SLAMF9: variants seen among roughly 807,000 people sequenced by gnomAD.
SLAMF9 encodes CD2 family member 10.
Under a neutral mutation model 30.4 loss-of-function variants are expected in SLAMF9, and 25 were observed. That is an observed-to-expected ratio of 0.82 (90% CI 0.60 to 1.15). The LOEUF (loss-of-function observed/expected upper bound fraction) is 1.15. SLAMF9 is among the 50% of genes most tolerant of loss of function. SLAMF9 has a pLI of 0.00. For synonymous variants in SLAMF9, 129 were observed against 127.2 expected, an observed-to-expected ratio of 1.01 and a Z score of -0.09; for missense variants, 344 against 346.1, an observed-to-expected ratio of 0.99 and a Z score of 0.05.
At position 159,954,164 on chromosome 1, in the gene SLAMF9, T is replaced by C; in HGVS notation, c.-27A>G. On this transcript the variant is annotated 5_prime_UTR_variant, in exon 1 of 4. Transcript: ENST00000368093. ...TCAGCAGCCCCCAGCCCCAGAGGTGTGATTCAGTCAGTCAGTCCCCAGGAC... is the reference window on the plus strand; with the variant it reads ...TCAGCAGCCCCCAGCCCCAGAGGTGCGATTCAGTCAGTCAGTCCCCAGGAC... 1 of 1,613,786 alleles carries C rather than the reference T, an allele frequency of 6.2e-7. No individual in the cohort carries two copies.
chr1:159,976,955 AG>A, the SLAMF9 span: 16 of 6,932 alleles, frequency 2.3e-3, 1 homozygote, highest in African/African-American at 3.3e-3. Flanking sequence ...AAAGAAAGAA[AG>A]AAAGAGAAAG....
Position 159,952,267 on chromosome 1 carries a change from T to C in SLAMF9, c.659A>G (p.Tyr220Cys), listed in dbSNP as rs757057363. The C allele has an allele frequency of 3.2e-5, 51 of 1,613,128 alleles. No individual in the cohort carries two copies. The highest frequency in any genetic ancestry group is 4.3e-5 in the Non-Finnish European group (51 of 1,179,712). Reference sequence around the variant, plus strand: ...TGTCTCAGGGGTTCTGGTACCTGCATAGAAGGGCCCATCAGGGATGGGGCA... The same window carrying C: ...TGTCTCAGGGGTTCTGGTACCTGCACAGAAGGGCCCATCAGGGATGGGGCA... ...SSCPIPDGPFYADPNYASEKP... is the reference protein window; with the variant it reads ...SSCPIPDGPFCADPNYASEKP... The change falls in exon 3 of 4, where the codon TAT (tyrosine) becomes TGT (cysteine). Residue 220 changes from tyrosine (Y) to cysteine (C), a missense_variant. Transcript: ENST00000368093.
chr1:159,981,189 G>C, the SLAMF9 span, among the ~76,000 whole-genome samples: 1 of 152,040 alleles, frequency 6.6e-6, no homozygotes, highest in Non-Finnish European at 1.5e-5. Context: ...ATTCTGATTG[G>C]TGTCCTTATA....
At chr1:159,980,831 G>A in the SLAMF9 span, among the ~76,000 whole-genome samples, 25 of 152,328 alleles carry the variant, frequency 1.6e-4, no homozygotes, top group African/African-American at 5.8e-4. Flanking sequence ...GTAAGCCACC[G>A]TGCCCAGCCT....
At chr1:159,973,336 A>G in the SLAMF9 span, 1 of 584,882 alleles carries the variant, frequency 1.7e-6, no homozygotes, top group Non-Finnish European at 3.0e-6. Flanking sequence ...ATAAAGCCCC[A>G]GGAGGCTGAG....
At chr1:159,978,583 C>A in the SLAMF9 span, 19 of 152,128 alleles carry the variant, frequency 1.2e-4, no homozygotes, top group Admixed American at 1.2e-3. Context: ...TTTAAATTGC[C>A]CTTTTGTTTT....
At chr1:159,967,064 A>G in the SLAMF9 span, among the ~76,000 whole-genome samples, 1 of 152,154 alleles carries the variant, frequency 6.6e-6, no homozygotes, top group Non-Finnish European at 1.5e-5. Flanking sequence ...GTCCAAACCA[A>G]TGTAATGAGG....
At chr1:159,970,069 T>C in the SLAMF9 span, among the ~76,000 whole-genome samples, 3 of 152,080 alleles carry the variant, frequency 2.0e-5, no homozygotes, top group African/African-American at 7.2e-5. Context: ...AATAAATAAA[T>C]AAATAGATAA....
the SLAMF9 span, among the ~76,000 whole-genome samples, chr1:159,975,340 ATTGCTTTGACCTCATC>A: frequency 3.3e-5 from 5 of 152,150 alleles, no homozygotes; most frequent in Non-Finnish European, 7.4e-5. Flanking sequence ...AAGAGGTGAG[ATTGCTTTGACCTCATC>A]TTGCAAGATA....
chr1:159,975,741 G>A, the SLAMF9 span, among the ~76,000 whole-genome samples: 80 of 152,278 alleles, frequency 5.3e-4, no homozygotes, highest in African/African-American at 1.8e-3. Flanking sequence ...AAAGGAGGGC[G>A]TAGATCAGAG....
the SLAMF9 span, among the ~76,000 whole-genome samples, chr1:159,969,717 A>G: frequency 1.3e-5 from 2 of 152,176 alleles, no homozygotes; most frequent in African/African-American, 2.4e-5. Context: ...CCTTAAAAAC[A>G]TGTTCCTACA....
At chr1:159,969,278 G>A in the SLAMF9 span, among the ~76,000 whole-genome samples, 21 of 137,646 alleles carry the variant, frequency 1.5e-4, no homozygotes. Context: ...TGGATAAGGG[G>A]GGAAGGGGTA....
At chr1:159,975,866 C>G in the SLAMF9 span, among the ~76,000 whole-genome samples, 8 of 152,318 alleles carry the variant, frequency 5.3e-5, no homozygotes, top group African/African-American at 1.9e-4. Flanking sequence ...GAGGGCAAGA[C>G]GCTGATCTGT....
chr1:159,976,455 TA>T, the SLAMF9 span, among the ~76,000 whole-genome samples: 1 of 152,162 alleles, frequency 6.6e-6, no homozygotes, highest in South Asian at 2.1e-4. Context: ...CATATGCATA[TA>T]AAATGTTTAG....
the SLAMF9 span, among the ~76,000 whole-genome samples, chr1:159,967,294 A>G: frequency 6.6e-6 from 1 of 152,116 alleles, no homozygotes. Context: ...CCTTGAGTTG[A>G]TTTTTATGCA....
At chr1:159,959,392 T>C in the SLAMF9 span, among the ~76,000 whole-genome samples, 1 of 151,774 alleles carries the variant, frequency 6.6e-6, no homozygotes, top group Non-Finnish European at 1.5e-5. Flanking sequence ...TCTCATCTCC[T>C]CCTCCCCAGA....
the SLAMF9 span, among the ~76,000 whole-genome samples, chr1:159,966,512 C>T: frequency 6.6e-6 from 1 of 152,124 alleles, no homozygotes; most frequent in African/African-American, 2.4e-5. Context: ...ATGGAAGTTA[C>T]ATTTTTAGTT....
rs766972693 is a variant in SLAMF9, at chr1:159,953,630, A to G, written c.70T>C (p.Trp24Arg). ...QEGSQRRLWR[W>R]CGSEEVVAVL... is the part of the protein sequence containing the mutation. Reference sequence around the variant, plus strand: ...GCAACCACTTCCTCGGATCCACACCATCTCCAGAGTCTCCTTTGGCTGCCT... The same window carrying G: ...GCAACCACTTCCTCGGATCCACACCGTCTCCAGAGTCTCCTTTGGCTGCCT... Residue 24 changes from tryptophan to arginine, a missense_variant, in exon 2 of 4, where the codon TGG (tryptophan) becomes CGG (arginine). Transcript: ENST00000368093. 1 of 1,606,344 alleles carries G rather than the reference A, an allele frequency of 6.2e-7. No individual in the cohort carries two copies. Among genetic ancestry groups the G allele is most frequent in the Admixed American group, 1.7e-5 (1 of 59,850 alleles).
chr1:159,971,829 G>A, the SLAMF9 span, among the ~76,000 whole-genome samples: 2 of 152,086 alleles, frequency 1.3e-5, no homozygotes, highest in African/African-American at 4.8e-5. Flanking sequence ...CTACTTTCGT[G>A]AATCTTCAGG....
Sources: allele counts gnomAD v4.1 joint callset (sites outside exome capture counted in the v4.1 genomes callset), GRCh38; gene constraint gnomAD v4.1.1; transcripts MANE v1.5; gene names NCBI Gene and HGNC (gene_info 2026-07-23, HGNC 2026-07-21).